Variants in IQGAP1 observed in about 807,000 individuals in gnomAD.
The protein encoded by IQGAP1 is IQ motif containing GTPase activating protein 1.
A neutral mutation model predicts 215.6 loss-of-function variants in IQGAP1; 66 were observed. The observed-to-expected ratio is 0.31, with a 90% CI of 0.25 to 0.38. IQGAP1 has a LOEUF of 0.38. Among genes scored for constraint, IQGAP1 ranks in the 10% least tolerant of loss-of-function variants. IQGAP1 has a pLI of 1.00. For synonymous variants in IQGAP1, 772 were observed against 728.7 expected (o/e 1.06, Z -0.96); for missense variants, 1,712 against 1,997.1 (o/e 0.86, Z 2.72).
At chr15:90,466,557 A>C in intron 17 of IQGAP1, 121 bp downstream of exon 17, 1 of 910,712 alleles carries the variant, frequency 1.1e-6, no homozygotes, top group Non-Finnish European at 1.7e-6. Flanking sequence ...TACAGTACTT[A>C]GGCTCATTTT....
At position 90,452,878 on chromosome 15, in the gene IQGAP1, T is replaced by C; in HGVS notation, c.1266T>C (p.Tyr422=). 1 of 1,614,050 alleles carries C rather than the reference T, an allele frequency of 6.2e-7. No homozygotes were observed. Among genetic ancestry groups the C allele is most frequent in the Non-Finnish European group, 8.5e-7 (1 of 1,180,004 alleles). The change falls in exon 12 of 38, where the codon TAT becomes TAC. Residue 422 remains tyrosine, a synonymous_variant. Transcript: ENST00000268182. ...CCGAAGCCCAGCTGCCCCAGGTGTATCCATTTGCCGCCGATCTCTATCAGA... is the reference window on the plus strand; with the variant it reads ...CCGAAGCCCAGCTGCCCCAGGTGTACCCATTTGCCGCCGATCTCTATCAGA... ...MNPEAQLPQV[Y]PFAADLYQKE... is the part of the protein sequence containing the mutation.
At chr15:90,423,448 G>T (rs1965176903) in intron 2 of IQGAP1, among the ~76,000 whole-genome samples, 2 of 152,072 alleles carry the variant, frequency 1.3e-5, no homozygotes, top group South Asian at 4.1e-4. Context: ...GTCCAGGCTG[G>T]TCTGGAACTC....
chr15:90,417,887 A>C (rs973960366), intron 2 of IQGAP1, among the ~76,000 whole-genome samples: 3 of 152,022 alleles, frequency 2.0e-5, no homozygotes, highest in African/African-American at 4.8e-5. Flanking sequence ...CTTTTATTTC[A>C]TTGAGCAGTG....
At chr15:90,448,279 G>A (rs1433082732) in intron 9 of IQGAP1, among the ~76,000 whole-genome samples, 1 of 152,144 alleles carries the variant, frequency 6.6e-6, no homozygotes, top group Non-Finnish European at 1.5e-5. Context: ...GGTCTGGATT[G>A]GTGGCTCCAT....
chr15:90,426,211 C>T lies in IQGAP1; in HGVS notation c.257C>T (p.Ser86Phe), dbSNP rs1294504399. ...VYLAKLGNFF[S>F]PKVVSLKKIY... ...CTTGCCAAACTGGGGAACTTCTTCT[C>T]TCCCAAAGTAGTGTCCCTGAAAAAA... Residue 86 changes from serine to phenylalanine, a missense_variant, in exon 3 of 38, where the codon TCT (serine) becomes TTT (phenylalanine). Physicochemically the swap from Ser to Phe is radical, Grantham distance 155. This residue lies in a region of IQGAP1 where 1,021 missense variants were observed against 1,074.2 expected (regional missense o/e 0.95). Transcript: ENST00000268182. 6.2e-7 allele frequency: 1 copy of T among 1,603,612 alleles called. No individual in the cohort carries two copies. The highest frequency in any genetic ancestry group is 8.5e-7 in the Non-Finnish European group (1 of 1,176,718).
chr15:90,457,180 C>G (rs1045660335), intron 15 of IQGAP1, among the ~76,000 whole-genome samples: 4 of 151,728 alleles, frequency 2.6e-5, no homozygotes, highest in Admixed American at 2.0e-4. Flanking sequence ...ATTCTGATTT[C>G]TATTAATAAC....
chr15:90,425,455 A>AG (rs1965208258), intron 2 of IQGAP1, among the ~76,000 whole-genome samples: 1 of 152,166 alleles, frequency 6.6e-6, no homozygotes, highest in African/African-American at 2.4e-5. Flanking sequence ...AGATATTTGA[A>AG]GGGGAAAATA....
Position 90,459,893 on chromosome 15 carries a change from G to A in IQGAP1, c.1776+3578G>A, listed in dbSNP as rs79513439. ...CTTTGTGTTTGGTTTTGGTATCAGG[G>A]TAATACTGGCCTCATGACTTGAAGT... On this transcript the variant is annotated intron_variant, in intron 15 of 37. Coordinates refer to ENST00000268182, the MANE Select transcript of IQGAP1 (RefSeq NM_003870.4). Among the ~76,000 whole-genome samples the A allele has an allele frequency of 8.3e-3, 1,256 of 152,230 alleles. 16 individuals are homozygous for A. The highest frequency in any genetic ancestry group is 0.014 in the Non-Finnish European group (949 of 68,008).
chr15:90,445,143 T>A (rs1361284336), intron 9 of IQGAP1, among the ~76,000 whole-genome samples: 1 of 151,952 alleles, frequency 6.6e-6, no homozygotes, highest in Non-Finnish European at 1.5e-5. Flanking sequence ...TAATTAATTT[T>A]TTTTTTTTAA....
chr15:90,452,732 C>T (rs1965622089), intron 11 of IQGAP1, 43 bp from the exon 12 acceptor site: 3 of 1,593,926 alleles, frequency 1.9e-6, no homozygotes, highest in Non-Finnish European at 2.6e-6. Context: ...CCCCTGAGGG[C>T]TCTCTAAGCC....
intron 2 of IQGAP1, among the ~76,000 whole-genome samples, chr15:90,420,761 G>A (rs975325827): frequency 2.0e-5 from 3 of 152,214 alleles, no homozygotes; most frequent in South Asian, 2.1e-4. Flanking sequence ...TTTCACTGTC[G>A]CCCAGGCTGG....
chr15:90,483,127 T>C, intron 28 of IQGAP1: 1 of 442,756 alleles, frequency 2.3e-6, no homozygotes, highest in Non-Finnish European at 4.1e-6. Flanking sequence ...CTACTGGCAG[T>C]AGTTTTCAGT....
In IQGAP1 at chr15:90,464,060, G is replaced by A. The variant is rs142900471; in HGVS notation, c.1777-1941G>A. Reference sequence around the variant, plus strand: ...CCTCATTTAGGCACATAGTTATGGTGATTTACTAAGTTCTTTATTCTGCCT... The same window carrying A: ...CCTCATTTAGGCACATAGTTATGGTAATTTACTAAGTTCTTTATTCTGCCT... On this transcript the variant is annotated intron_variant, in intron 15 of 37. Coordinates refer to ENST00000268182, the MANE Select transcript of IQGAP1 (RefSeq NM_003870.4). 3.6e-3 allele frequency among the ~76,000 whole-genome samples: 545 copies of A among 152,300 alleles called. 3 individuals carry two copies. The highest frequency in any genetic ancestry group is 0.013 in the African/African-American group (524 of 41,558).
chr15:90,440,225 G>A (rs184500837), intron 6 of IQGAP1, among the ~76,000 whole-genome samples: 24 of 152,268 alleles, frequency 1.6e-4, no homozygotes, highest in Admixed American at 1.6e-3. Context: ...TTCATTGTAG[G>A]AAATGCCATA....
intron 10 of IQGAP1, 95 bp downstream of exon 10, chr15:90,448,831 C>T (rs1403204912): frequency 1.8e-6 from 2 of 1,114,828 alleles, no homozygotes; most frequent in Non-Finnish European, 2.3e-6. Context: ...CTTTGTTTTT[C>T]CCCCAATACG....
chr15:90,413,492 T>C (rs1964998358), intron 2 of IQGAP1, among the ~76,000 whole-genome samples: 1 of 152,046 alleles, frequency 6.6e-6, no homozygotes, highest in South Asian at 2.1e-4. Flanking sequence ...AGCTTAAGGG[T>C]AGTTTGGACC....
intron 4 of IQGAP1, chr15:90,431,121 A>G (rs893152105): frequency 1.3e-5 from 2 of 150,786 alleles, no homozygotes; most frequent in Admixed American, 6.6e-5. Flanking sequence ...TATGTATACA[A>G]TATACAACAG....
intron 23 of IQGAP1, among the ~76,000 whole-genome samples, chr15:90,476,335 G>T (rs576203712): frequency 2.0e-5 from 3 of 152,048 alleles, no homozygotes; most frequent in Admixed American, 6.6e-5. Flanking sequence ...TTTTCCAAGC[G>T]TTTATTATAA....
rs1200956740 is a variant in IQGAP1 at position 90,487,487 on chromosome 15, C to G, written c.4161-8C>G. On this transcript the variant is annotated splice_region_variant and splice_polypyrimidine_tract_variant and intron_variant, in intron 32 of 37. Transcript: ENST00000268182. ...TAATATTTAAATGCCTCCCCCATCT[C>G]GTTTCAGTACAAAACGTTTAATTGT... 1 of 1,607,112 alleles carries G rather than the reference C, an allele frequency of 6.2e-7. No individual in the cohort carries two copies. Among genetic ancestry groups the G allele is most frequent in the Non-Finnish European group, 8.5e-7 (1 of 1,173,744 alleles).
Sources: gnomAD v4.1 joint callset for allele counts (sites outside exome capture counted in the v4.1 genomes callset) on GRCh38, gnomAD v4.1.1 for gene constraint, gnomAD v4.1.1 regional missense constraint, MANE v1.5 for transcripts, NCBI Gene and HGNC (gene_info 2026-07-23, HGNC 2026-07-21) for gene names.